Variants in ZNF33B observed in about 807,000 individuals in gnomAD.
ZNF33B encodes the protein zinc finger protein 33B.
In ZNF33B, 29 loss-of-function variants were observed where a neutral mutation model predicts 45.8. That is an observed-to-expected ratio of 0.63 (90% CI 0.47 to 0.86). ZNF33B has a LOEUF of 0.86. Ranked by LOEUF, ZNF33B falls within the 40% of genes least tolerant of loss-of-function variation. The pLI, the probability that ZNF33B is intolerant of heterozygous loss-of-function variation, is 0.00. For synonymous variants in ZNF33B, 305 were observed against 307.8 expected (o/e 0.99, Z 0.10); for missense variants, 831 against 909.9 (o/e 0.91, Z 1.12).
downstream of ZNF33B, among the ~76,000 whole-genome samples, chr10:42,586,437 C>T (rs773199476): frequency 6.6e-6 from 1 of 152,026 alleles, no homozygotes; most frequent in Non-Finnish European, 1.5e-5. Flanking sequence ...GCATGAGCCA[C>T]AGCACCCAGC....
At chr10:42,634,931 A>G (rs1250544195) in intron 2 of ZNF33B, among the ~76,000 whole-genome samples, 1 of 152,244 alleles carries the variant, frequency 6.6e-6, no homozygotes, top group Non-Finnish European at 1.5e-5. Context: ...GGATTGGTAA[A>G]CTTTTTCTGT....
chr10:42,625,650 T>A (rs11239707), intron 4 of ZNF33B, among the ~76,000 whole-genome samples: 17,123 of 152,188 alleles, frequency 0.11, 1,163 homozygotes, highest in African/African-American at 0.19. Context: ...ATTTTGTATT[T>A]TTAGTAGAGA....
At chr10:42,612,706 A>T (rs7093258) in intron 4 of ZNF33B, among the ~76,000 whole-genome samples, 38 of 152,238 alleles carry the variant, frequency 2.5e-4, no homozygotes, top group African/African-American at 8.9e-4. Flanking sequence ...TAGAGAAAAA[A>T]TAGCCTTTTA....
rs1036289070 is a variant in ZNF33B, at chr10:42,575,806, C to A, written c.74-1128G>T. The stretch of plus-strand genomic sequence containing the variant: ...AGTGCACTAGAGCAATCTCAGCTCA[C>A]CACGACATCTGCTTCAGGGCTCAAG... On this transcript the variant is annotated intron_variant, in intron 1 of 1. Transcript: ENST00000462075. Among the ~76,000 whole-genome samples, 9 of 151,044 alleles carry A rather than the reference C, an allele frequency of 6.0e-5. No individual in the cohort carries two copies. The South Asian group carries it at 1.7e-3, about 28-fold the overall frequency.
chr10:42,614,142 A>G, intron 4 of ZNF33B: 1 of 154,718 alleles, frequency 6.5e-6, no homozygotes, highest in East Asian at 1.9e-4. Flanking sequence ...GTCATAAAAC[A>G]TGGTGACAGT....
Position 42,638,503 on chromosome 10 carries a change from TAA to T in ZNF33B, c.-76_-75del, listed in dbSNP as rs1378348154. 13 of 479,466 alleles carry T rather than the reference TAA, an allele frequency of 2.7e-5. No homozygotes were observed. Among genetic ancestry groups the T allele is most frequent in the East Asian group, 6.1e-5 (1 of 16,358 alleles). The allele number at this position is 479,466 out of a possible 1,614,324, so 29.7% of individuals were successfully genotyped here. On this transcript the variant is annotated 5_prime_UTR_variant, in exon 1 of 5. Transcript: ENST00000359467. ...CTCTCTCTTCGGGTTGCATTCGCCA[TAA>T]GAGAGCCGGTAGACCCCTGAAATCC...
At chr10:42,614,360 T>C (rs1463960995) in intron 4 of ZNF33B, 2 of 153,544 alleles carry the variant, frequency 1.3e-5, no homozygotes, top group East Asian at 3.9e-4. Flanking sequence ...AAGAGGAGCC[T>C]AAAGAGACAT....
intron 4 of ZNF33B, among the ~76,000 whole-genome samples, chr10:42,628,355 G>A (rs1466524826): frequency 7.9e-5 from 12 of 152,306 alleles, no homozygotes; most frequent in African/African-American, 2.7e-4. Context: ...CAGTCCTGTT[G>A]GCTGATGTTG....
intron 1 of ZNF33B, among the ~76,000 whole-genome samples, chr10:42,581,190 G>A (rs1166636458): frequency 2.6e-5 from 4 of 152,066 alleles, no homozygotes; most frequent in Admixed American, 2.0e-4. Flanking sequence ...ATCCAAGAAT[G>A]AAAGTGTGGC....
At chr10:42,619,856 A>G (rs918040764) in intron 4 of ZNF33B, among the ~76,000 whole-genome samples, 3 of 152,194 alleles carry the variant, frequency 2.0e-5, no homozygotes, top group African/African-American at 7.2e-5. Context: ...TACAAAGACA[A>G]TATCTTAAAA....
At chr10:42,577,902 G>C (rs1589007915) in intron 1 of ZNF33B, among the ~76,000 whole-genome samples, 1 of 152,194 alleles carries the variant, frequency 6.6e-6, no homozygotes, top group East Asian at 1.9e-4. Flanking sequence ...TAAAGACTGA[G>C]ACATCAGGCG....
At chr10:42,582,028 A>G (rs767470888) in intron 1 of ZNF33B, 2 of 152,372 alleles carry the variant, frequency 1.3e-5, no homozygotes, top group Non-Finnish European at 2.9e-5. Context: ...AGGCAGGAGA[A>G]TTGCTTGAAC....
intron 4 of ZNF33B, among the ~76,000 whole-genome samples, chr10:42,617,469 C>T (rs1367485912): frequency 6.6e-6 from 1 of 152,146 alleles, no homozygotes; most frequent in Admixed American, 6.5e-5. Context: ...ATACCCCTCA[C>T]CCAGTTTTCT....
At chr10:42,588,746 G>T (rs1344552647), downstream of ZNF33B, among the ~76,000 whole-genome samples, 1 of 152,194 alleles carries the variant, frequency 6.6e-6, no homozygotes, top group Admixed American at 6.5e-5. Context: ...GCTGTGGGAG[G>T]ATGTGAGGGG....
chr10:42,594,756 T>C, intron 4 of ZNF33B, 57 bp from the exon 5 acceptor site: 8 of 1,499,372 alleles, frequency 5.3e-6, no homozygotes, highest in Non-Finnish European at 7.1e-6. Flanking sequence ...TCTTAGGGAA[T>C]GAAATCTCTA....
chr10:42,586,335 G>A (rs559130186), downstream of ZNF33B, among the ~76,000 whole-genome samples: 1 of 152,006 alleles, frequency 6.6e-6, no homozygotes, highest in Non-Finnish European at 1.5e-5. Flanking sequence ...ATTTTTAGTA[G>A]AGACGGGGTT....
chr10:42,614,303 T>C (rs1838223228), intron 4 of ZNF33B: 1 of 154,700 alleles, frequency 6.5e-6, no homozygotes, highest in Non-Finnish European at 1.5e-5. Context: ...TCCTCCAAAC[T>C]GTCAAGGTCA....
chr10:42,628,630 T>C (rs966097628), intron 4 of ZNF33B, among the ~76,000 whole-genome samples: 2 of 152,230 alleles, frequency 1.3e-5, no homozygotes, highest in Admixed American at 6.5e-5. Context: ...TACTGTATTT[T>C]GTTTTTGATT....
At chr10:42,588,282 G>A (rs146284650), downstream of ZNF33B, among the ~76,000 whole-genome samples, 19 of 152,294 alleles carry the variant, frequency 1.2e-4, no homozygotes, top group African/African-American at 4.1e-4. Flanking sequence ...ATTTTAGGAT[G>A]GGAAGAGATG....
Sources: gnomAD v4.1 joint callset for allele counts (sites outside exome capture counted in the v4.1 genomes callset) on GRCh38, gnomAD v4.1.1 for gene constraint, MANE v1.5 for transcripts, NCBI Gene and HGNC (gene_info 2026-07-23, HGNC 2026-07-21) for gene names.